ZMYND8: variants seen among roughly 807,000 people sequenced by gnomAD.
ZMYND8 encodes the protein MYND-type zinc finger-containing chromatin reader ZMYND8.
A neutral mutation model predicts 140.8 loss-of-function variants in ZMYND8; 37 were observed. The observed-to-expected ratio is 0.26, with a 90% CI of 0.20 to 0.35. ZMYND8 has a LOEUF of 0.35. Among genes scored for constraint, ZMYND8 ranks in the 10% least tolerant of loss-of-function variants. The probability of loss-of-function intolerance (pLI) is 1.00; values close to 1 mark genes in which losing one functional copy is unlikely to be tolerated. For synonymous variants in ZMYND8, 592 were observed against 597.1 expected, an observed-to-expected ratio of 0.99 and a Z score of 0.12; for missense variants, 1,068 against 1,570.0, an observed-to-expected ratio of 0.68 and a Z score of 5.40.
rs2038859530 is a variant in ZMYND8 at position 47,233,794 on chromosome 20, G to A, written c.2856+2532C>T. On this transcript the variant is annotated intron_variant, in intron 16 of 22. Transcript: ENST00000471951. ...TCAATTTGTCAAGAAGACTGAGTAAGTAACATACAAAAAGTGCTTAGGACA... is the reference window on the plus strand; with the variant it reads ...TCAATTTGTCAAGAAGACTGAGTAAATAACATACAAAAAGTGCTTAGGACA... Among the ~76,000 whole-genome samples the A allele has an allele frequency of 3.3e-5, 5 of 152,196 alleles. No individual in the cohort carries two copies. In the South Asian group the frequency reaches 1.0e-3, roughly 31 times the overall value.
intron 2 of ZMYND8, among the ~76,000 whole-genome samples, chr20:47,315,618 T>C (rs888902758): frequency 2.6e-5 from 4 of 152,134 alleles, no homozygotes; most frequent in African/African-American, 9.7e-5. Context: ...CCAGGCTCCA[T>C]AAGGACCCTT....
chr20:47,350,521 G>T (rs1479596192), intron 1 of ZMYND8, among the ~76,000 whole-genome samples: 1 of 151,370 alleles, frequency 6.6e-6, no homozygotes, highest in Admixed American at 6.6e-5. Context: ...AAAAAAAAAT[G>T]AATATTACAT....
At chr20:47,330,786 A>G (rs1463437614) in intron 2 of ZMYND8, among the ~76,000 whole-genome samples, 1 of 152,238 alleles carries the variant, frequency 6.6e-6, no homozygotes, top group African/African-American at 2.4e-5. Context: ...CTTTTACTTC[A>G]GTCTCTAGGA....
chr20:47,304,381 A>T (rs142255868), intron 3 of ZMYND8, among the ~76,000 whole-genome samples: 6 of 152,384 alleles, frequency 3.9e-5, no homozygotes, highest in African/African-American at 1.2e-4. Flanking sequence ...TCTATCGCAA[A>T]TACTCAATTT....
At chr20:47,351,441 T>C (rs929791605) in intron 1 of ZMYND8, among the ~76,000 whole-genome samples, 5 of 152,176 alleles carry the variant, frequency 3.3e-5, no homozygotes, top group Non-Finnish European at 5.9e-5. Context: ...AAGACTCTGG[T>C]TCTACAGATG....
At chr20:47,215,475 T>A (rs985810612) in intron 21 of ZMYND8, among the ~76,000 whole-genome samples, 3 of 151,540 alleles carry the variant, frequency 2.0e-5, no homozygotes, top group African/African-American at 7.3e-5. Context: ...GCGGAGTGTG[T>A]AAAGAAAGGG....
chr20:47,243,750 CA>C (rs1157487439), intron 14 of ZMYND8, among the ~76,000 whole-genome samples: 3 of 152,156 alleles, frequency 2.0e-5, no homozygotes, highest in African/African-American at 4.8e-5. Context: ...GGCACAAAAC[CA>C]ATCAATCAAA....
At chr20:47,329,271 T>C (rs2080732426) in intron 2 of ZMYND8, among the ~76,000 whole-genome samples, 1 of 152,222 alleles carries the variant, frequency 6.6e-6, no homozygotes, top group Non-Finnish European at 1.5e-5. Flanking sequence ...CAATCAAGCT[T>C]GCTCGAATGA....
chr20:47,297,684 CAA>C (rs1339220977), intron 4 of ZMYND8, among the ~76,000 whole-genome samples: 1 of 152,164 alleles, frequency 6.6e-6, no homozygotes, highest in Non-Finnish European at 1.5e-5. Context: ...CTCGGCCTCC[CAA>C]AGTGCTGGGA....
At chr20:47,282,317 G>T in intron 9 of ZMYND8, 100 bp from the exon 10 acceptor site, 1 of 948,898 alleles carries the variant, frequency 1.1e-6, no homozygotes, top group Non-Finnish European at 1.6e-6. Flanking sequence ...GTGGGACACA[G>T]GCCATGAGTG....
intron 2 of ZMYND8, among the ~76,000 whole-genome samples, chr20:47,322,689 G>A (rs1002461537): frequency 2.0e-5 from 3 of 152,048 alleles, no homozygotes; most frequent in Admixed American, 6.6e-5. Flanking sequence ...GATTACAGGC[G>A]TGAGCCACCA....
chr20:47,237,047 T>C (rs183291523), intron 15 of ZMYND8, among the ~76,000 whole-genome samples: 1 of 152,344 alleles, frequency 6.6e-6, no homozygotes, highest in Non-Finnish European at 1.5e-5. Context: ...CTTGCCCCTA[T>C]TACAGTAGCA....
At chr20:47,300,804 T>C (rs1364056859) in intron 3 of ZMYND8, among the ~76,000 whole-genome samples, 1 of 151,960 alleles carries the variant, frequency 6.6e-6, no homozygotes, top group African/African-American at 2.4e-5. Flanking sequence ...AACCTCCACC[T>C]CTGAGGCTCC....
chr20:47,338,658 A>G (rs1602067442), intron 2 of ZMYND8, among the ~76,000 whole-genome samples: 1 of 152,146 alleles, frequency 6.6e-6, no homozygotes, highest in South Asian at 2.1e-4. Flanking sequence ...AGAAGCTACC[A>G]CCACCGCCAC....
chr20:47,225,830 AG>A (rs2037639709), intron 18 of ZMYND8, among the ~76,000 whole-genome samples: 1 of 151,946 alleles, frequency 6.6e-6, no homozygotes, highest in Non-Finnish European at 1.5e-5. Context: ...ATTTTATGAA[AG>A]TAAGATTCCC....
At position 47,297,814 on chromosome 20, in the gene ZMYND8, G is replaced by C. The variant is rs527749881; in HGVS notation, c.453+915C>G. Among the ~76,000 whole-genome samples, 4 of 152,296 alleles carry C rather than the reference G, an allele frequency of 2.6e-5. No individual in the cohort carries two copies. In the East Asian group the frequency reaches 7.7e-4, roughly 29 times the overall value. On this transcript the variant is annotated intron_variant, in intron 4 of 22. Transcript: ENST00000471951. The stretch of plus-strand genomic sequence containing the variant: ...TTTCAGCAATTCCAAAAAAACATCA[G>C]AGTTGGGGGTCTCCAAGAACAGGAG...
At chr20:47,302,367 G>A (rs111464269) in intron 3 of ZMYND8, among the ~76,000 whole-genome samples, 15,978 of 152,054 alleles carry the variant, frequency 0.11, 979 homozygotes, top group South Asian at 0.26. Context: ...TCAGGAGGCT[G>A]AGGCAGGAGA....
At chr20:47,333,189 C>CAT (rs538394621) in intron 2 of ZMYND8, among the ~76,000 whole-genome samples, 2 of 151,814 alleles carry the variant, frequency 1.3e-5, no homozygotes, top group South Asian at 2.1e-4. Context: ...GTCTACAAAA[C>CAT]ATATATATAT....
intron 21 of ZMYND8, among the ~76,000 whole-genome samples, chr20:47,219,337 T>G (rs1191551496): frequency 6.6e-6 from 1 of 151,854 alleles, no homozygotes; most frequent in East Asian, 2.0e-4. Flanking sequence ...ATTACAGGCA[T>G]GAGCCACTGC....
Sources: allele counts gnomAD v4.1 joint callset (sites outside exome capture counted in the v4.1 genomes callset), GRCh38; gene constraint gnomAD v4.1.1; transcripts MANE v1.5; gene names NCBI Gene and HGNC (gene_info 2026-07-23, HGNC 2026-07-21).